UPP1: variants seen among roughly 807,000 people sequenced by gnomAD.
The protein encoded by UPP1 is UPase 1.
Under a neutral mutation model 29.6 loss-of-function variants are expected in UPP1, and 25 were observed. The ratio of observed to expected loss-of-function variants is 0.85; its 90% CI spans 0.62 to 1.18. UPP1 has a LOEUF of 1.18. UPP1 is among the 50% of genes most tolerant of loss of function. The pLI, the probability that UPP1 is intolerant of heterozygous loss-of-function variation, is 0.00. For synonymous variants in UPP1, 165 were observed against 159.8 expected, an observed-to-expected ratio of 1.03 and a Z score of -0.25; for missense variants, 368 against 410.4, an observed-to-expected ratio of 0.90 and a Z score of 0.89.
Position 48,108,463 on chromosome 7 carries a change from A to G in UPP1, c.*106A>G. On this transcript the variant is annotated 3_prime_UTR_variant, in exon 9 of 9. Transcript: ENST00000395564. ...TTGAGCACACTTTACACAAGAATCT[A>G]GAAAATCAGATCGCGATTAAGAGAC... The G allele has an allele frequency of 2.3e-6, 3 of 1,331,514 alleles. No homozygotes were observed. Among genetic ancestry groups the G allele is most frequent in the Non-Finnish European group, 3.0e-6 (3 of 993,640 alleles). 82.5% of individuals were successfully genotyped at this position (1,331,514 alleles called of 1,614,324 possible).
chr7:48,093,058 A>C (rs1394899543), intron 2 of UPP1, among the ~76,000 whole-genome samples: 2 of 152,120 alleles, frequency 1.3e-5, no homozygotes, highest in Admixed American at 6.5e-5. Flanking sequence ...AAAATCAACA[A>C]CACCACACCT....
chr7:48,101,768 TGAG>T (rs766658624), intron 4 of UPP1, 53 bp from the exon 5 acceptor site: 5 of 1,562,910 alleles, frequency 3.2e-6, no homozygotes, highest in Non-Finnish European at 4.3e-6. Context: ...GGGCCCCACT[TGAG>T]GACCTCTGCT....
At chr7:48,090,154 CT>C (rs999527988) in intron 1 of UPP1, 33 bp from the exon 2 acceptor site, 9 of 152,332 alleles carry the variant, frequency 5.9e-5, no homozygotes, top group African/African-American at 2.2e-4. Context: ...CTTCACGATT[CT>C]TTTATATGGC....
intron 3 of UPP1, among the ~76,000 whole-genome samples, chr7:48,096,874 A>G (rs1359093868): frequency 2.0e-5 from 3 of 151,720 alleles, no homozygotes; most frequent in African/African-American, 4.8e-5. Flanking sequence ...TAATTTTTGT[A>G]TTTTTCACAG....
In UPP1 at chr7:48,091,235, CTGATT is replaced by C. The variant is rs372744832; in HGVS notation, c.-22+875_-22+879del. On this transcript the variant is annotated intron_variant, in intron 2 of 8. Coordinates refer to ENST00000395564, the MANE Select transcript of UPP1 (RefSeq NM_003364.4). Reference sequence around the variant, plus strand: ...TTATTTATGCAAGTAACTTACCAATCTGATTTGAGTTTAACGGGTTAAAACTAAAA... The same window carrying C: ...TTATTTATGCAAGTAACTTACCAATCTGAGTTTAACGGGTTAAAACTAAAA... Among the ~76,000 whole-genome samples the C allele has an allele frequency of 2.0e-3, 303 of 150,772 alleles. 1 individual carries two copies. Among genetic ancestry groups the C allele is most frequent in the African/African-American group, 6.8e-3 (281 of 41,028 alleles).
rs190836755 is a variant in UPP1 at position 48,107,203 on chromosome 7, C to T, written c.646+121C>T. On this transcript the variant is annotated intron_variant, in intron 7 of 8. Coordinates refer to ENST00000395564, the MANE Select transcript of UPP1 (RefSeq NM_003364.4). ...CCAGGCTGCTGTCTCAGTTACACTT[C>T]GCCCAGAGTGGTTATAATGACCCGT... 73 of 1,422,032 alleles carry T rather than the reference C, an allele frequency of 5.1e-5. No individual in the cohort carries two copies. The African/African-American group carries it at 6.6e-4, about 13-fold the overall frequency. The allele number at this position is 1,422,032 out of a possible 1,614,324, so 88.1% of individuals were successfully genotyped here. A position where few individuals can be genotyped will look rare whatever the true frequency, so the allele number is the denominator to read the frequency against.
At chr7:48,094,279 G>C (rs1248139715) in intron 2 of UPP1, among the ~76,000 whole-genome samples, 1 of 152,022 alleles carries the variant, frequency 6.6e-6, no homozygotes, top group East Asian at 1.9e-4. Context: ...TTTTGAGACG[G>C]AGTGTCGCTC....
At chr7:48,107,331 G>A in intron 7 of UPP1, 30 bp from the exon 8 acceptor site, 2 of 1,590,478 alleles carry the variant, frequency 1.3e-6, no homozygotes, top group Non-Finnish European at 1.7e-6. Context: ...TCACATGCAT[G>A]TGGTTCTCAT....
chr7:48,099,608 G>A (rs1792308477), intron 3 of UPP1, 62 bp from the exon 4 acceptor site: 1 of 1,187,192 alleles, frequency 8.4e-7, no homozygotes, highest in Non-Finnish European at 1.2e-6. Flanking sequence ...CCACTTCTGT[G>A]ATAATGTCGG....
chr7:48,097,701 C>T (rs1792197935), intron 3 of UPP1, among the ~76,000 whole-genome samples: 1 of 152,150 alleles, frequency 6.6e-6, no homozygotes, highest in South Asian at 2.1e-4. Flanking sequence ...ACTCTTAGCC[C>T]TTCTATGTTG....
chr7:48,098,298 A>G (rs1792230688), intron 3 of UPP1, among the ~76,000 whole-genome samples: 1 of 152,200 alleles, frequency 6.6e-6, no homozygotes, highest in Admixed American at 6.5e-5. Flanking sequence ...AGTCAGGTAT[A>G]GGCCATCTGT....
chr7:48,093,052 TCAA>T (rs766808421), intron 2 of UPP1, among the ~76,000 whole-genome samples: 13 of 151,858 alleles, frequency 8.6e-5, no homozygotes, highest in Non-Finnish European at 1.5e-4. Context: ...AAAAAAAAAA[TCAA>T]CAACACCACA....
At chr7:48,091,356 A>C (rs1471662163) in intron 2 of UPP1, among the ~76,000 whole-genome samples, 1 of 151,766 alleles carries the variant, frequency 6.6e-6, no homozygotes, top group African/African-American at 2.4e-5. Flanking sequence ...TGATCACCGA[A>C]AAGACTCTTC....
chr7:48,105,573 A>G (rs1442304535), intron 6 of UPP1: 2 of 152,294 alleles, frequency 1.3e-5, no homozygotes. Context: ...GATAGACAAG[A>G]TGCCATTGAC....
intron 1 of UPP1, among the ~76,000 whole-genome samples, chr7:48,089,911 G>A (rs1285904395): frequency 6.6e-6 from 1 of 152,226 alleles, no homozygotes; most frequent in Non-Finnish European, 1.5e-5. Flanking sequence ...CTTAAGTGAC[G>A]AAGTGATGTT....
chr7:48,098,823 A>G (rs1034040904), intron 3 of UPP1, among the ~76,000 whole-genome samples: 5 of 152,222 alleles, frequency 3.3e-5, no homozygotes, highest in Admixed American at 6.5e-5. Flanking sequence ...CTCAGAAGGC[A>G]TACATTGTTG....
intron 4 of UPP1, among the ~76,000 whole-genome samples, chr7:48,100,447 G>A (rs1425250602): frequency 1.3e-5 from 2 of 152,222 alleles, no homozygotes; most frequent in East Asian, 1.9e-4. Context: ...GCAAAGGATA[G>A]TAAATAAAGG....
chr7:48,098,515 A>G (rs555640960), intron 3 of UPP1, among the ~76,000 whole-genome samples: 4 of 152,328 alleles, frequency 2.6e-5, no homozygotes, highest in African/African-American at 9.6e-5. Flanking sequence ...AATTATGTAT[A>G]CCAGTGTTAA....
intron 8 of UPP1, 32 bp from the exon 9 acceptor site, chr7:48,108,186 C>T (rs1186956166): frequency 6.3e-7 from 1 of 1,596,042 alleles, no homozygotes; most frequent in Non-Finnish European, 8.6e-7. Context: ...ACCCCCGGCA[C>T]CTTGCCTTGA....
Sources: allele counts gnomAD v4.1 joint callset (sites outside exome capture counted in the v4.1 genomes callset), GRCh38; gene constraint gnomAD v4.1.1; transcripts MANE v1.5; gene names NCBI Gene and HGNC (gene_info 2026-07-23, HGNC 2026-07-21).